The following ABTB1 variants were observed in gnomAD, a reference collection of about 807,000 sequenced individuals.
ABTB1 encodes ankyrin repeat and BTB domain containing 1.
ABTB1 carries 45 observed loss-of-function variants against 57.1 expected under a neutral mutation model. The ratio of observed to expected loss-of-function variants is 0.79; its 90% confidence interval spans 0.62 to 1.01. The LOEUF (loss-of-function observed/expected upper bound fraction) is 1.01. Ranked by LOEUF, ABTB1 falls within the 50% of genes least tolerant of loss-of-function variation. ABTB1 has a pLI of 0.00. For missense variants in ABTB1, 630 were observed against 666.3 expected, an observed-to-expected ratio of 0.95 and a Z score of 0.60; for synonymous variants, 302 against 275.4, an observed-to-expected ratio of 1.10 and a Z score of -0.95.
In ABTB1 at chr3:127,680,534, C is replaced by G; in HGVS notation, c.*59C>G. The G allele has an allele frequency of 6.4e-7, 1 of 1,572,698 alleles. No individual in the cohort carries two copies. Among genetic ancestry groups the G allele is most frequent in the Non-Finnish European group, 8.6e-7 (1 of 1,157,652 alleles). ...TCTCTTGGAGACAAGCATGTGTATG[C>G]GTTTGTGTGCAGCTCTTCTTCCTGC... On this transcript the variant is annotated 3_prime_UTR_variant, in exon 12 of 12. Coordinates refer to ENST00000232744, the MANE Select transcript of ABTB1 (RefSeq NM_172027.3).
At position 127,677,005 on chromosome 3, in the gene ABTB1, G is replaced by A. The variant is rs2107556349; in HGVS notation, c.565G>A (p.Glu189Lys). Residue 189 changes from glutamate (E) to lysine (K), a missense_variant, in exon 7 of 12, where the codon GAG becomes AAG. Physicochemically the swap from Glu to Lys is moderately conservative, Grantham distance 56 (BLOSUM62 1). Transcript: ENST00000232744. ...DIGVEHVSDC[E>K]RLAKQCQLWD... ...TGGCGTAGAGCATGTGAGTGACTGT[G>A]AGCGCCTGGCCAAGCAATGCCAGCT... 1 of 1,614,040 alleles carries A rather than the reference G, an allele frequency of 6.2e-7. No individual in the cohort carries two copies. Among genetic ancestry groups the A allele is most frequent in the East Asian group, 2.2e-5 (1 of 44,888 alleles).
At chr3:127,677,391 C>T in intron 8 of ABTB1, 74 bp from the exon 9 acceptor site, 1 of 1,580,802 alleles carries the variant, frequency 6.3e-7, no homozygotes, top group Non-Finnish European at 8.7e-7. Flanking sequence ...GGACCAGTTA[C>T]TTCCCTTTTC....
rs113988219 is a variant in ABTB1, at chr3:127,679,276, G to A, written c.1030-709G>A. The A allele has an allele frequency of 8.9e-3, 2,913 of 326,830 alleles. 21 individuals carry two copies. Among genetic ancestry groups the A allele is most frequent in the Non-Finnish European group, 0.012 (1,946 of 163,416 alleles). 20.2% of individuals were successfully genotyped at this position (326,830 alleles called of 1,614,324 possible). A position where few individuals can be genotyped will look rare whatever the true frequency, so the allele number is the denominator to read the frequency against. ...GATAGCTCTCGTCGTCACTTCCTAA[G>A]GCCTTGTGCAGATGCATGGGTTACC... On this transcript the variant is annotated intron_variant, in intron 10 of 11. Coordinates refer to ENST00000232744, the MANE Select transcript of ABTB1 (RefSeq NM_172027.3).
At position 127,672,961 on chromosome 3, in the gene ABTB1, T is replaced by A. The variant is rs1435061686; in HGVS notation, c.-65T>A. 7 of 1,499,594 alleles carry A rather than the reference T, an allele frequency of 4.7e-6. No individual in the cohort carries two copies. In the Admixed American group the frequency reaches 1.2e-4, roughly 27 times the overall value. The allele number at this position is 1,499,594 out of a possible 1,614,324, so 92.9% of individuals were successfully genotyped here. On this transcript the variant is annotated 5_prime_UTR_variant, in exon 1 of 12. Coordinates refer to ENST00000232744, the MANE Select transcript of ABTB1 (RefSeq NM_172027.3). ...GGGGCGGGGCGGGGCTGAGCGTGTT[T>A]ACATCCGCCGGGTGCGCGGCTTCGC... is the stretch of plus-strand genomic sequence containing the variant.
intron 9 of ABTB1, 44 bp from the exon 10 acceptor site, chr3:127,677,631 AG>A: frequency 1.2e-6 from 2 of 1,612,880 alleles, no homozygotes; most frequent in African/African-American, 2.7e-5. Flanking sequence ...GCTCCTCAGG[AG>A]ACAGACCCTG....
At chr3:127,675,663 A>T (rs1576444768) in intron 3 of ABTB1, 1 of 432,926 alleles carries the variant, frequency 2.3e-6, no homozygotes, top group South Asian at 3.1e-5. Context: ...CAGGACAGGG[A>T]CCTGTGTCTC....
At position 127,680,098 on chromosome 3, in the gene ABTB1, G is replaced by A; in HGVS notation, c.1143G>A (p.Val381=). 6.2e-7 allele frequency: 1 copy of A among 1,613,912 alleles called. No homozygotes were observed. The highest frequency in any genetic ancestry group is 1.7e-5 in the Admixed American group (1 of 60,028). Residue 381 remains valine, a synonymous_variant, in exon 11 of 12, where the codon GTG becomes GTA. Coordinates refer to ENST00000232744, the MANE Select transcript of ABTB1 (RefSeq NM_172027.3). The part of the protein sequence containing the change: ...SLAQMLDEDT[V]VGVWRVAKLF... ...CTCAGATGCTAGACGAGGACACTGTGGTGGGTGTGTGGCGCGTGGCCAAGC... is the reference window on the plus strand; with the variant it reads ...CTCAGATGCTAGACGAGGACACTGTAGTGGGTGTGTGGCGCGTGGCCAAGC...
Position 127,676,357 on chromosome 3 carries a change from C to A in ABTB1, c.406C>A (p.Arg136Ser), listed in dbSNP as rs773839544. The change falls in exon 5 of 12, where the codon CGT (arginine) becomes AGT (serine). Residue 136 changes from arginine to serine, a missense_variant. By Grantham distance (110) the Arg-to-Ser change is moderately radical (BLOSUM62 -1). This residue lies in a region of ABTB1 where 579 missense variants were observed against 585.9 expected (regional missense o/e 0.99). Transcript: ENST00000232744. This position sits in a 1 kb window ranked among gnomAD's most constrained non-coding sequence, Gnocchi z 5.4. ...FRVHRCVLGA[R>S]SAYFANMLDT... ...GGTGCATCGCTGCGTCCTGGGTGCA[C>A]GTAGTGCCTACTTTGCCAACATGCT... The A allele has an allele frequency of 1.9e-6, 3 of 1,614,112 alleles. No individual in the cohort carries two copies. In the East Asian group the frequency reaches 6.7e-5, roughly 36 times the overall value.
intron 10 of ABTB1, chr3:127,679,490 G>A: frequency 2.2e-6 from 1 of 456,478 alleles, no homozygotes. Flanking sequence ...TTGAGAGGGA[G>A]GGAGCTGGTA....
At chr3:127,674,844 C>T (rs1037806653) in intron 3 of ABTB1, among the ~76,000 whole-genome samples, 2 of 152,266 alleles carry the variant, frequency 1.3e-5, no homozygotes, top group African/African-American at 2.4e-5. Context: ...TCCCCGGACA[C>T]GGTGCCTGCC....
chr3:127,680,496 A>G lies in ABTB1; in HGVS notation c.*21A>G, dbSNP rs1013553662. 2 of 1,595,936 alleles carry G rather than the reference A, an allele frequency of 1.3e-6. No individual in the cohort carries two copies. The highest frequency in any genetic ancestry group is 1.7e-6 in the Non-Finnish European group (2 of 1,176,812). ...GTTGAGCCCCTGGCTGGGCAGCCCC[A>G]GGGGCCAGGAGCTCTCTTGGAGACA... is the stretch of plus-strand genomic sequence containing the variant. On this transcript the variant is annotated 3_prime_UTR_variant, in exon 12 of 12. Coordinates refer to ENST00000232744, the MANE Select transcript of ABTB1 (RefSeq NM_172027.3).
In ABTB1 at chr3:127,674,603, G is replaced by C. The variant is rs755546763; in HGVS notation, c.175+3G>C. 6.2e-7 allele frequency: 1 copy of C among 1,614,094 alleles called. No individual in the cohort carries two copies. On this transcript the variant is annotated splice_donor_region_variant and intron_variant, in intron 3 of 11. Transcript: ENST00000232744. ...GGTACTCTACCTTCTGGCCAATGGT[G>C]AGAGCAGGGAGCCCGGCTCACGGGT...
chr3:127,676,715 C>T lies in ABTB1; in HGVS notation c.526+134C>T. ...CCCCCCGGGGTGGTTCCAGCTGCCT[C>T]TCGGGTTGGGTTGCAAGAGAGAGGA... is the stretch of plus-strand genomic sequence containing the variant. On this transcript the variant is annotated intron_variant, in intron 6 of 11. Coordinates refer to ENST00000232744, the MANE Select transcript of ABTB1 (RefSeq NM_172027.3). This position sits in a 1 kb window ranked among gnomAD's most constrained non-coding sequence, Gnocchi z 5.4. 8.2e-7 allele frequency: 1 copy of T among 1,217,486 alleles called. No homozygotes were observed. Among genetic ancestry groups the T allele is most frequent in the Non-Finnish European group, 1.2e-6 (1 of 859,860 alleles). The allele number at this position is 1,217,486 out of a possible 1,614,324, so 75.4% of individuals were successfully genotyped here. A position where few individuals can be genotyped will look rare whatever the true frequency, so the allele number is the denominator to read the frequency against.
In ABTB1 at chr3:127,674,576, C is replaced by G; in HGVS notation, c.151C>G (p.Leu51Val). 1 of 1,614,192 alleles carries G rather than the reference C, an allele frequency of 6.2e-7. No homozygotes were observed. Among genetic ancestry groups the G allele is most frequent in the Non-Finnish European group, 8.5e-7 (1 of 1,180,032 alleles). The change falls in exon 3 of 12, where the codon CTG becomes GTG. Residue 51 changes from leucine to valine, a missense_variant. Transcript: ENST00000232744. ...TGCCTGCTTGTGTGGGCACGAGGAG[C>G]TGGTACTCTACCTTCTGGCCAATGG... Reference protein sequence around the residue: ...YYACLCGHEELVLYLLANGAR... With the variant: ...YYACLCGHEEVVLYLLANGAR...
chr3:127,676,058 C>T lies in ABTB1; in HGVS notation c.264C>T (p.Tyr88=). 2 of 1,613,370 alleles carry T rather than the reference C, an allele frequency of 1.2e-6. No homozygotes were observed. The highest frequency in any genetic ancestry group is 1.1e-5 in the South Asian group (1 of 91,068). ...CCATCCGCCGGGCTCTACGCGATTA[C>T]AAGCAGGTCACGGCTTCCTGCAGGA... ...SDPIRRALRD[Y]KQVTASCRRR... is the part of the protein sequence containing the mutation. Residue 88 remains tyrosine (Y), a synonymous_variant, in exon 4 of 12, where the codon TAC becomes TAT. Coordinates refer to ENST00000232744, the MANE Select transcript of ABTB1 (RefSeq NM_172027.3). The surrounding 1 kb of genome is among the most constrained non-coding windows in gnomAD (Gnocchi z 5.4).
At chr3:127,673,802 C>T (rs2074909147) in intron 1 of ABTB1, among the ~76,000 whole-genome samples, 1 of 152,250 alleles carries the variant, frequency 6.6e-6, no homozygotes, top group Admixed American at 6.5e-5. Context: ...AGAGTTAGTG[C>T]ATAGTGTCAA....
chr3:127,674,679 A>G, intron 3 of ABTB1, 79 bp downstream of exon 3: 8 of 1,538,476 alleles, frequency 5.2e-6, no homozygotes, highest in Middle Eastern at 2.0e-4. Context: ...GCGTGCGTGC[A>G]TTCAAAGGCC....
intron 1 of ABTB1, among the ~76,000 whole-genome samples, chr3:127,673,947 C>G (rs568559674): frequency 4.6e-5 from 7 of 152,318 alleles, no homozygotes; most frequent in African/African-American, 1.4e-4. Context: ...CTGTATCCCG[C>G]GACTCCTGCC....
chr3:127,676,530 C>CCACAG lies in ABTB1; in HGVS notation c.481-5_481-1dup. 6.2e-7 allele frequency: 1 copy of CCACAG among 1,614,118 alleles called. No individual in the cohort carries two copies. Among genetic ancestry groups the CCACAG allele is most frequent in the Non-Finnish European group, 8.5e-7 (1 of 1,180,012 alleles). On this transcript the variant is annotated splice_region_variant and splice_polypyrimidine_tract_variant and intron_variant, in intron 5 of 11. Transcript: ENST00000232744. The surrounding 1 kb of genome is among the most constrained non-coding windows in gnomAD (Gnocchi z 5.4). ...CTGACATTACTTTCTGGTTTTCTGC[C>CCACAG]CACAGATCAACCCCGTGGCCTTTGG...
Sources: gnomAD v4.1 joint callset for allele counts (sites outside exome capture counted in the v4.1 genomes callset) on GRCh38, gnomAD v4.1.1 for gene constraint, gnomAD v4.1.1 regional missense constraint, Gnocchi (gnomAD v3.1) non-coding constraint, MANE v1.5 for transcripts, NCBI Gene and HGNC (gene_info 2026-07-23, HGNC 2026-07-21) for gene names.